The following GLB1L2 variants were observed in gnomAD, a reference collection of about 807,000 sequenced individuals.
GLB1L2 encodes galactosidase beta 1 like 2.
In GLB1L2, 68 loss-of-function variants were observed where a neutral mutation model predicts 84.1. The ratio of observed to expected loss-of-function variants is 0.81; its 90% CI spans 0.67 to 0.99. The LOEUF is 0.99. Among genes scored for constraint, GLB1L2 ranks in the 50% least tolerant of loss-of-function variants. The probability of loss-of-function intolerance (pLI) is 0.00; values close to 1 mark genes in which losing one functional copy is unlikely to be tolerated. For missense variants in GLB1L2, 762 were observed against 805.6 expected (o/e 0.95, Z 0.66); for synonymous variants, 290 against 318.0 (o/e 0.91, Z 0.94).
rs1297408950 is a variant in GLB1L2 at position 134,374,180 on chromosome 11, C to T, written c.1631C>T (p.Thr544Ile). 1 of 1,614,152 alleles carries T rather than the reference C, an allele frequency of 6.2e-7. No individual in the cohort carries two copies. The highest frequency in any genetic ancestry group is 2.2e-5 in the East Asian group (1 of 44,892). ...GLDKWSSLPE[T>I]PTLPAFFLGS... ...GACAAATGGAGTTCCCTCCCAGAAA[C>T]ACCCACATTACCTGCTTTCTTCTTG... is the stretch of plus-strand genomic sequence containing the variant. The change falls in exon 17 of 19, where the codon ACA becomes ATA. Residue 544 changes from threonine (T) to isoleucine (I), a missense_variant. Transcript: ENST00000535456.
intron 18 of GLB1L2, 27 bp downstream of exon 18, chr11:134,374,745 C>G (rs775913129): frequency 1.9e-6 from 3 of 1,544,420 alleles, no homozygotes; most frequent in Admixed American, 1.7e-5. Context: ...CCTTCCTGTT[C>G]CCCATGACGC....
chr11:134,351,959 G>A (rs1274797590), intron 5 of GLB1L2, among the ~76,000 whole-genome samples: 1 of 152,144 alleles, frequency 6.6e-6, no homozygotes, highest in African/African-American at 2.4e-5. Context: ...CTACCTTATA[G>A]AATAAGGTAG....
At chr11:134,332,969 C>T (rs1022594120) in intron 1 of GLB1L2, among the ~76,000 whole-genome samples, 7 of 152,188 alleles carry the variant, frequency 4.6e-5, no homozygotes, top group Admixed American at 2.0e-4. Flanking sequence ...CCGGCAGTAT[C>T]GAATGAACTG....
At chr11:134,353,414 T>TA (rs1013803961) in intron 5 of GLB1L2, among the ~76,000 whole-genome samples, 5 of 152,060 alleles carry the variant, frequency 3.3e-5, no homozygotes, top group Non-Finnish European at 5.9e-5. Flanking sequence ...TGTTTTTTTT[T>TA]AAAAAAGAAA....
intron 7 of GLB1L2, chr11:134,360,955 C>G (rs900006907): frequency 3.9e-5 from 6 of 152,156 alleles, no homozygotes; most frequent in African/African-American, 1.4e-4. Flanking sequence ...AGATCGAGAC[C>G]AGCCTGCCCA....
intron 1 of GLB1L2, 31 bp downstream of exon 1, chr11:134,332,178 G>T: frequency 7.0e-7 from 1 of 1,438,578 alleles, no homozygotes; most frequent in Non-Finnish European, 9.4e-7. Context: ...GCACCTGCCG[G>T]ACCCCACATT....
chr11:134,374,966 C>T lies in GLB1L2; in HGVS notation c.1825-6C>T. The T allele has an allele frequency of 1.2e-6, 2 of 1,612,514 alleles. No individual in the cohort carries two copies. The highest frequency in any genetic ancestry group is 1.7e-6 in the Non-Finnish European group (2 of 1,179,302). On this transcript the variant is annotated splice_polypyrimidine_tract_variant and splice_region_variant and intron_variant, in intron 18 of 18. Transcript: ENST00000535456. ...CTGCCCTCCCAGCCGGGCCCTCTCT[C>T]CACAGGTCATCGTTTTTGAGGAGAC...
chr11:134,341,981 G>A (rs1440799201), intron 1 of GLB1L2, among the ~76,000 whole-genome samples: 2 of 124,500 alleles, frequency 1.6e-5, no homozygotes, highest in Non-Finnish European at 1.8e-5. Context: ...TCCTGCCCCG[G>A]ACTCAGCCAC....
rs1943429213 is a variant in GLB1L2 at position 134,339,113 on chromosome 11, A to G, written c.87-3641A>G. 6.6e-6 allele frequency among the ~76,000 whole-genome samples: 1 copy of G among 152,204 alleles called. No homozygotes were observed. The highest frequency in any genetic ancestry group is 2.4e-5 in the African/African-American group (1 of 41,452). On this transcript the variant is annotated intron_variant, in intron 1 of 18. Transcript: ENST00000535456. The surrounding 1 kb of genome is among the most constrained non-coding windows in gnomAD (Gnocchi z 5.7). ...TCAGATAAAGGTCCATCGTGGATGA[A>G]CTGCTCCCCAAGAAAAGTGACAGAA...
chr11:134,335,617 G>C (rs1405199919), intron 1 of GLB1L2, among the ~76,000 whole-genome samples: 1 of 152,168 alleles, frequency 6.6e-6, no homozygotes, highest in Non-Finnish European at 1.5e-5. Flanking sequence ...TATTGGTATA[G>C]GTGTGATTCA....
chr11:134,368,096 C>T (rs889172613), intron 9 of GLB1L2, among the ~76,000 whole-genome samples: 15 of 152,272 alleles, frequency 9.9e-5, no homozygotes, highest in East Asian at 5.8e-4. Flanking sequence ...TCAGCAACAC[C>T]GAGTATTAAA....
chr11:134,347,302 C>T (rs1414193524), intron 4 of GLB1L2, 23 bp from the exon 5 acceptor site: 2 of 1,577,912 alleles, frequency 1.3e-6, no homozygotes, highest in Non-Finnish European at 1.7e-6. Flanking sequence ...AACATCCTTC[C>T]TTTCCCCCGT....
chr11:134,365,808 T>G (rs753609542), intron 8 of GLB1L2, among the ~76,000 whole-genome samples: 1 of 152,158 alleles, frequency 6.6e-6, no homozygotes, highest in Non-Finnish European at 1.5e-5. Flanking sequence ...GCTCTCTGAA[T>G]GCACAGCACA....
intron 15 of GLB1L2, among the ~76,000 whole-genome samples, chr11:134,372,220 T>C (rs1037615931): frequency 1.3e-5 from 2 of 152,160 alleles, no homozygotes; most frequent in African/African-American, 2.4e-5. Flanking sequence ...CACACTGAAG[T>C]TCTCTTCTTG....
At chr11:134,373,002 G>A (rs1411041809) in intron 15 of GLB1L2, among the ~76,000 whole-genome samples, 1 of 152,206 alleles carries the variant, frequency 6.6e-6, no homozygotes, top group Non-Finnish European at 1.5e-5. Context: ...CCACACTGTG[G>A]AGTCCTGTCC....
intron 7 of GLB1L2, among the ~76,000 whole-genome samples, chr11:134,362,417 G>A (rs1008748045): frequency 6.6e-6 from 1 of 152,218 alleles, no homozygotes; most frequent in Non-Finnish European, 1.5e-5. Context: ...CTCTGGATCA[G>A]CCGCTACCCA....
intron 8 of GLB1L2, among the ~76,000 whole-genome samples, chr11:134,366,168 C>G (rs1205034451): frequency 6.6e-6 from 1 of 152,210 alleles, no homozygotes; most frequent in Non-Finnish European, 1.5e-5. Flanking sequence ...AAGCCAACAA[C>G]CTTGCTTCTG....
Position 134,375,811 on chromosome 11 carries a change from A to AGTGGCCCCCG in GLB1L2, c.*753_*754insGTGGCCCCCG, listed in dbSNP as rs1944017779. 6.9e-6 allele frequency: 1 copy of AGTGGCCCCCG among 144,618 alleles called. No homozygotes were observed. The highest frequency in any genetic ancestry group is 2.6e-5 in the African/African-American group (1 of 38,998). 9.0% of individuals were successfully genotyped at this position (144,618 alleles called of 1,614,324 possible). On this transcript the variant is annotated 3_prime_UTR_variant, in exon 19 of 19. Transcript: ENST00000535456. ...GGGAGGAGGACAGAAGGCCCAGCTC[A>AGTGGCCCCCG]CATGTGAGTCCTGGCAGAAGCCATG...
chr11:134,363,997 C>T (rs550639873), intron 7 of GLB1L2, among the ~76,000 whole-genome samples: 2 of 152,340 alleles, frequency 1.3e-5, no homozygotes, highest in Admixed American at 6.5e-5. Context: ...CCCACCTCAG[C>T]CTCCCAAGTA....
Sources: allele counts gnomAD v4.1 joint callset (sites outside exome capture counted in the v4.1 genomes callset), GRCh38; gene constraint gnomAD v4.1.1; non-coding constraint Gnocchi (gnomAD v3.1); transcripts MANE v1.5; gene names NCBI Gene and HGNC (gene_info 2026-07-23, HGNC 2026-07-21).